GRIK2: variants seen among roughly 807,000 people sequenced by gnomAD.
GRIK2 encodes the protein glutamate ionotropic receptor kainate type subunit 2.
In GRIK2, 32 loss-of-function variants were observed where a neutral mutation model predicts 100.3. The ratio of observed to expected loss-of-function variants is 0.32; its 90% CI spans 0.24 to 0.43. GRIK2 has a LOEUF of 0.43. Ranked by LOEUF, GRIK2 falls within the 20% of genes least tolerant of loss-of-function variation. The pLI is 1.00. For missense variants in GRIK2, 843 were observed against 1,114.9 expected (o/e 0.76, Z 3.47); for synonymous variants, 417 against 389.4 (o/e 1.07, Z -0.83).
chr6:101,536,485 A>G (rs1252887603), intron 2 of GRIK2, among the ~76,000 whole-genome samples: 1 of 151,714 alleles, frequency 6.6e-6, no homozygotes, highest in African/African-American at 2.4e-5. Flanking sequence ...CAAAAGACTT[A>G]GAAAAGACAT....
intron 2 of GRIK2, among the ~76,000 whole-genome samples, chr6:101,578,541 G>T (rs539962125): frequency 3.2e-4 from 49 of 152,234 alleles, no homozygotes; most frequent in African/African-American, 1.1e-3. Context: ...GGAAATGGAT[G>T]TTAACTATCT....
chr6:101,592,962 A>T (rs1454053510), intron 2 of GRIK2, among the ~76,000 whole-genome samples: 1 of 151,938 alleles, frequency 6.6e-6, no homozygotes, highest in Non-Finnish European at 1.5e-5. Flanking sequence ...GAACAAATAA[A>T]AACAAATTAC....
chr6:101,598,280 C>T (rs1779023483), intron 2 of GRIK2, among the ~76,000 whole-genome samples: 1 of 151,526 alleles, frequency 6.6e-6, no homozygotes, highest in Non-Finnish European at 1.5e-5. Context: ...TCTACAACCT[C>T]CTTTAATACG....
chr6:101,626,112 C>T (rs182366210), intron 3 of GRIK2, among the ~76,000 whole-genome samples: 2 of 152,192 alleles, frequency 1.3e-5, no homozygotes, highest in East Asian at 1.9e-4. Context: ...AATATTCATC[C>T]TCTCTCTCCT....
At chr6:101,885,455 T>C (rs1414775549) in intron 11 of GRIK2, among the ~76,000 whole-genome samples, 1 of 152,110 alleles carries the variant, frequency 6.6e-6, no homozygotes, top group Non-Finnish European at 1.5e-5. Context: ...TTCCTTAAGA[T>C]CTCAGGTTTC....
At chr6:101,917,005 A>T (rs549263717) in intron 12 of GRIK2, among the ~76,000 whole-genome samples, 47 of 151,656 alleles carry the variant, frequency 3.1e-4, no homozygotes, top group African/African-American at 1.1e-3. Flanking sequence ...ATTTCAGCAG[A>T]TTGTACTTAA....
chr6:101,683,818 T>C (rs1562308321), intron 6 of GRIK2, among the ~76,000 whole-genome samples: 1 of 152,220 alleles, frequency 6.6e-6, no homozygotes, highest in Non-Finnish European at 1.5e-5. Context: ...CTTCTGATTA[T>C]CTTAAAAATT....
chr6:101,882,292 T>C (rs778155142), intron 11 of GRIK2, among the ~76,000 whole-genome samples: 6 of 152,162 alleles, frequency 3.9e-5, no homozygotes, highest in Non-Finnish European at 7.3e-5. Context: ...GAAATATTAA[T>C]ATTTATGAAG....
intron 14 of GRIK2, among the ~76,000 whole-genome samples, chr6:102,021,151 T>C (rs1438947099): frequency 6.6e-6 from 1 of 151,816 alleles, no homozygotes; most frequent in Non-Finnish European, 1.5e-5. Flanking sequence ...ATAGAAAATC[T>C]GAATGATAAA....
chr6:101,406,756 C>T (rs116721224), intron 2 of GRIK2, among the ~76,000 whole-genome samples: 1,598 of 152,152 alleles, frequency 0.011, 33 homozygotes, highest in African/African-American at 0.037. Context: ...TCAAATTTAC[C>T]GCCAGACATC....
At chr6:101,685,770 A>C (rs547535979) in intron 6 of GRIK2, among the ~76,000 whole-genome samples, 3 of 151,956 alleles carry the variant, frequency 2.0e-5, no homozygotes, top group African/African-American at 2.4e-5. Context: ...ACAATCAAAC[A>C]AAGAAACACT....
intron 4 of GRIK2, among the ~76,000 whole-genome samples, chr6:101,667,583 T>A (rs1770125012): frequency 1.3e-5 from 2 of 152,156 alleles, no homozygotes; most frequent in African/African-American, 4.8e-5. Context: ...AAGGTCTGAA[T>A]TCCTGCTGGA....
chr6:101,825,077 T>C (rs771803143), intron 10 of GRIK2, among the ~76,000 whole-genome samples: 1 of 152,144 alleles, frequency 6.6e-6, no homozygotes, highest in Non-Finnish European at 1.5e-5. Context: ...TCTTAGAGAG[T>C]TGCATAGCAT....
chr6:101,594,059 C>A (rs540576217), intron 2 of GRIK2, among the ~76,000 whole-genome samples: 2 of 151,850 alleles, frequency 1.3e-5, no homozygotes, highest in African/African-American at 4.8e-5. Flanking sequence ...ATTCACAATT[C>A]CTGATAATCC....
At chr6:101,501,423 A>C (rs1413456925) in intron 2 of GRIK2, among the ~76,000 whole-genome samples, 1 of 152,170 alleles carries the variant, frequency 6.6e-6, no homozygotes, top group African/African-American at 2.4e-5. Context: ...TTTTTGTCAA[A>C]TTACTTATAC....
At chr6:101,774,782 G>A (rs771279700) in intron 7 of GRIK2, among the ~76,000 whole-genome samples, 4 of 151,972 alleles carry the variant, frequency 2.6e-5, no homozygotes, top group South Asian at 2.1e-4. Flanking sequence ...TTGTATAAAC[G>A]TTTAAAGGAG....
At chr6:102,044,827 C>A (rs1236286912) in intron 15 of GRIK2, among the ~76,000 whole-genome samples, 1 of 151,850 alleles carries the variant, frequency 6.6e-6, no homozygotes, top group Non-Finnish European at 1.5e-5. Flanking sequence ...CTCCAATTTT[C>A]TGGTTGAATT....
intron 14 of GRIK2, among the ~76,000 whole-genome samples, chr6:101,965,794 G>A (rs1017587032): frequency 5.9e-5 from 9 of 152,000 alleles, no homozygotes; most frequent in Non-Finnish European, 8.8e-5. Flanking sequence ...TAGGAGGTAG[G>A]AGGAAGGAAG....
chr6:101,800,803 G>C (rs1780621923), intron 8 of GRIK2, among the ~76,000 whole-genome samples: 1 of 152,034 alleles, frequency 6.6e-6, no homozygotes, highest in African/African-American at 2.4e-5. Context: ...GGTCTGGCGA[G>C]ATGAAGAATT....
Sources: allele counts gnomAD v4.1 joint callset (sites outside exome capture counted in the v4.1 genomes callset), GRCh38; gene constraint gnomAD v4.1.1; transcripts MANE v1.5; gene names NCBI Gene and HGNC (gene_info 2026-07-23, HGNC 2026-07-21).